Variants in PTCHD4 observed in about 807,000 individuals in gnomAD.
PTCHD4 encodes the protein patched domain containing 4, also known as patched domain-containing protein 4.
Under a neutral mutation model 58.1 loss-of-function variants are expected in PTCHD4, and 33 were observed. The ratio of observed to expected loss-of-function variants is 0.57; its 90% CI spans 0.43 to 0.76. PTCHD4 has a LOEUF of 0.76. PTCHD4 is among the 30% of genes least tolerant of loss of function. The probability of loss-of-function intolerance (pLI) is 0.00; values close to 1 mark genes in which losing one functional copy is unlikely to be tolerated. For synonymous variants in PTCHD4, 478 were observed against 409.6 expected (o/e 1.17, Z -2.02); for missense variants, 1,058 against 1,027.1 (o/e 1.03, Z -0.41).
chr6:47,944,402 C>A (rs1766342844), intron 4 of PTCHD4, among the ~76,000 whole-genome samples: 1 of 152,076 alleles, frequency 6.6e-6, no homozygotes, highest in African/African-American at 2.4e-5. Context: ...TAGATTCTAG[C>A]AGGTGAATAT....
chr6:47,893,291 G>A (rs556824521), intron 4 of PTCHD4, among the ~76,000 whole-genome samples: 86 of 152,300 alleles, frequency 5.6e-4, no homozygotes, highest in African/African-American at 2.0e-3. Flanking sequence ...TTACAGGCGC[G>A]AGCCACAACG....
At position 47,856,994 on chromosome 6, in the gene PTCHD4, C is replaced by T. The variant is rs765176093; in HGVS notation, c.*21309G>A. ...GAATCAAAACTGCCAAAAGCTGAAG[C>T]ATGACAACATTGATGATCAAGGTTG... On this transcript the variant is annotated 3_prime_UTR_variant, in exon 5 of 5. Transcript: ENST00000339488. 6.6e-6 allele frequency among the ~76,000 whole-genome samples: 1 copy of T among 152,010 alleles called. No homozygotes were observed.
At chr6:47,886,935 C>T (rs1764211158) in intron 4 of PTCHD4, among the ~76,000 whole-genome samples, 2 of 152,236 alleles carry the variant, frequency 1.3e-5, no homozygotes, top group African/African-American at 4.8e-5. Context: ...AATCACAGTA[C>T]TTACTATACG....
chr6:47,972,333 A>G (rs187157149), intron 4 of PTCHD4, among the ~76,000 whole-genome samples: 20 of 152,342 alleles, frequency 1.3e-4, no homozygotes, highest in African/African-American at 4.8e-4. Flanking sequence ...TGGTTATGTT[A>G]GAAAAAGTTA....
At chr6:48,064,759 G>A (rs1313790255) in intron 3 of PTCHD4, among the ~76,000 whole-genome samples, 3 of 152,158 alleles carry the variant, frequency 2.0e-5, no homozygotes, top group African/African-American at 7.2e-5. Context: ...ACTAGATTGG[G>A]TTGGGGTGGG....
intron 3 of PTCHD4, among the ~76,000 whole-genome samples, chr6:48,051,096 C>T (rs1244705597): frequency 2.0e-5 from 3 of 151,810 alleles, no homozygotes; most frequent in African/African-American, 7.3e-5. Context: ...AATCAGTAAA[C>T]TGTGAGATAA....
At position 47,858,647 on chromosome 6, in the gene PTCHD4, A is replaced by G. The variant is rs778070030; in HGVS notation, c.*19656T>C. ...AAACTAAGGCATAAAACAAAGAGCA[A>G]TAAGAAATCTGAACACAAGTAACAA... On this transcript the variant is annotated 3_prime_UTR_variant, in exon 5 of 5. Transcript: ENST00000339488. Among the ~76,000 whole-genome samples the G allele has an allele frequency of 2.6e-5, 4 of 152,134 alleles. No individual in the cohort carries two copies. The highest frequency in any genetic ancestry group is 5.9e-5 in the Non-Finnish European group (4 of 67,944).
At chr6:47,978,341 T>C (rs1581964354) in intron 4 of PTCHD4, among the ~76,000 whole-genome samples, 1 of 152,182 alleles carries the variant, frequency 6.6e-6, no homozygotes, top group East Asian at 1.9e-4. Context: ...TACAGAGCAC[T>C]ACTAAACTAC....
At chr6:47,899,405 C>A (rs1262682839) in intron 4 of PTCHD4, among the ~76,000 whole-genome samples, 1 of 152,124 alleles carries the variant, frequency 6.6e-6, no homozygotes, top group Non-Finnish European at 1.5e-5. Context: ...TGTGAGATGG[C>A]TGTGGGAACA....
chr6:48,062,566 G>C (rs1764667035), intron 3 of PTCHD4, among the ~76,000 whole-genome samples: 1 of 151,978 alleles, frequency 6.6e-6, no homozygotes, highest in Non-Finnish European at 1.5e-5. Context: ...CTGGTTTTAA[G>C]GCCTTGCTGA....
chr6:48,068,766 A>G lies in PTCHD4; in HGVS notation c.6-125T>C, dbSNP rs2113881035. ...CCACCCACTCCGCGCTCACCCCACA[A>G]CCACTCCGCCTGGTCTTTCCCCGGC... On this transcript the variant is annotated intron_variant, in intron 2 of 4. Transcript: ENST00000339488. The surrounding 1 kb of genome is among the most constrained non-coding windows in gnomAD (Gnocchi z 4.2). 1 of 834,594 alleles carries G rather than the reference A, an allele frequency of 1.2e-6. No homozygotes were observed. The highest frequency in any genetic ancestry group is 1.8e-5 in the South Asian group (1 of 55,750). 51.7% of individuals were successfully genotyped at this position (834,594 alleles called of 1,614,324 possible).
intron 1 of PTCHD4, among the ~76,000 whole-genome samples, chr6:48,103,853 G>A (rs577876966): frequency 5.9e-5 from 9 of 152,300 alleles, no homozygotes; most frequent in South Asian, 4.1e-4. Flanking sequence ...GGGTATCAGC[G>A]ATGGAAGATG....
intron 4 of PTCHD4, among the ~76,000 whole-genome samples, chr6:47,930,825 G>A (rs890661878): frequency 1.7e-4 from 26 of 152,046 alleles, no homozygotes; most frequent in Admixed American, 2.0e-4. Context: ...ATGGAGTCTC[G>A]CTCTGTTGCC....
At chr6:48,092,496 C>A (rs1378326546) in intron 1 of PTCHD4, among the ~76,000 whole-genome samples, 2 of 152,044 alleles carry the variant, frequency 1.3e-5, no homozygotes, top group Non-Finnish European at 2.9e-5. Context: ...GAGCCATAGA[C>A]CTGGTATTCA....
intron 3 of PTCHD4, among the ~76,000 whole-genome samples, chr6:48,057,358 C>T (rs569690106): frequency 6.6e-6 from 1 of 152,268 alleles, no homozygotes; most frequent in East Asian, 1.9e-4. Context: ...TTACAACTTC[C>T]TTCAAGGACT....
intron 4 of PTCHD4, among the ~76,000 whole-genome samples, chr6:47,937,702 T>C (rs1766054517): frequency 6.6e-6 from 1 of 152,168 alleles, no homozygotes; most frequent in Non-Finnish European, 1.5e-5. Context: ...ATGATACCAC[T>C]GCAGAGATGA....
In PTCHD4 at chr6:47,866,029, C is replaced by T. The variant is rs192782072; in HGVS notation, c.*12274G>A. 7.1e-4 allele frequency among the ~76,000 whole-genome samples: 108 copies of T among 151,918 alleles called. 1 individual carries two copies. The highest frequency in any genetic ancestry group is 2.3e-3 in the African/African-American group (96 of 41,506). ...TGGGGTGCTCAGGCCAATAATCTTACCTCATCTTAAGTGCTATCTTAATGC... is the reference window on the plus strand; with the variant it reads ...TGGGGTGCTCAGGCCAATAATCTTATCTCATCTTAAGTGCTATCTTAATGC... On this transcript the variant is annotated 3_prime_UTR_variant, in exon 5 of 5. Transcript: ENST00000339488.
intron 4 of PTCHD4, among the ~76,000 whole-genome samples, chr6:47,943,390 A>G (rs572886032): frequency 5.3e-4 from 81 of 152,280 alleles, no homozygotes; most frequent in African/African-American, 1.9e-3. Context: ...TTCAACAGAC[A>G]TTAGATGAAT....
Position 47,862,033 on chromosome 6 carries a change from A to G in PTCHD4, c.*16270T>C, listed in dbSNP as rs1052845312. On this transcript the variant is annotated 3_prime_UTR_variant, in exon 5 of 5. Transcript: ENST00000339488. ...GACTTCCTATTATTGAACATAACCC[A>G]GTACTCTAAGTATTCGAATTTAATA... Among the ~76,000 whole-genome samples the G allele has an allele frequency of 3.3e-5, 5 of 151,894 alleles. No individual in the cohort carries two copies. Among genetic ancestry groups the G allele is most frequent in the Admixed American group, 6.6e-5 (1 of 15,224 alleles).
Sources: gnomAD v4.1 joint callset for allele counts (sites outside exome capture counted in the v4.1 genomes callset) on GRCh38, gnomAD v4.1.1 for gene constraint, Gnocchi (gnomAD v3.1) non-coding constraint, MANE v1.5 for transcripts, NCBI Gene and HGNC (gene_info 2026-07-23, HGNC 2026-07-21) for gene names.